CAPZB: variants seen among roughly 807,000 people sequenced by gnomAD.
The protein encoded by CAPZB is F-actin-capping protein subunit beta.
Under a neutral mutation model 38.1 loss-of-function variants are expected in CAPZB, and 2 were observed. The ratio of observed to expected loss-of-function variants is 0.05; its 90% CI spans 0.02 to 0.17. The LOEUF (loss-of-function observed/expected upper bound fraction) is 0.17. Ranked by LOEUF, CAPZB falls within the 10% of genes least tolerant of loss-of-function variation. The pLI, the probability that CAPZB is intolerant of heterozygous loss-of-function variation, is 1.00. For synonymous variants in CAPZB, 107 were observed against 127.4 expected (o/e 0.84, Z 1.08); for missense variants, 161 against 334.2 (o/e 0.48, Z 4.04).
At chr1:19,388,480 C>T (rs1020148038) in intron 2 of CAPZB, among the ~76,000 whole-genome samples, 2 of 152,310 alleles carry the variant, frequency 1.3e-5, no homozygotes, top group Non-Finnish European at 2.9e-5. Flanking sequence ...AATAAATTGG[C>T]AGGTAATAGG....
intron 1 of CAPZB, among the ~76,000 whole-genome samples, chr1:19,426,318 C>T (rs1346374620): frequency 1.3e-5 from 2 of 152,290 alleles, no homozygotes; most frequent in South Asian, 2.1e-4. Context: ...AGGGGAATGA[C>T]GACTGCTGTT....
intron 1 of CAPZB, among the ~76,000 whole-genome samples, chr1:19,425,740 T>C (rs936291370): frequency 4.6e-5 from 7 of 152,190 alleles, no homozygotes; most frequent in African/African-American, 1.7e-4. Context: ...ACCATCTAAA[T>C]ATCTGCTACA....
Position 19,339,269 on chromosome 1 carries a change from G to C in CAPZB, c.*261C>G, listed in dbSNP as rs574430588. ...GGGGGGACAGGGAGGAAGACGGGGG[G>C]CCCGGGTGAACAAAAACCACACGGT... On this transcript the variant is annotated 3_prime_UTR_variant, in exon 9 of 9. Transcript: ENST00000264202. The C allele has an allele frequency of 1.0e-5, 5 of 492,326 alleles. No individual in the cohort carries two copies. The Admixed American group carries it at 1.1e-4, about 11-fold the overall frequency. The allele number at this position is 492,326 out of a possible 1,614,324, so 30.5% of individuals were successfully genotyped here.
chr1:19,379,684 A>G (rs1168077231), intron 3 of CAPZB, among the ~76,000 whole-genome samples: 1 of 152,206 alleles, frequency 6.6e-6, no homozygotes, highest in African/African-American at 2.4e-5. Context: ...TTGCAGCCCA[A>G]AAGACTTGCT....
intron 4 of CAPZB, among the ~76,000 whole-genome samples, chr1:19,365,346 A>G (rs2094077666): frequency 1.3e-5 from 2 of 152,138 alleles, no homozygotes; most frequent in Admixed American, 1.3e-4. Flanking sequence ...TCTTCCCCCG[A>G]AGTCTTTATG....
chr1:19,367,115 C>T (rs1465030795), intron 4 of CAPZB, among the ~76,000 whole-genome samples: 3 of 152,246 alleles, frequency 2.0e-5, no homozygotes, highest in African/African-American at 7.2e-5. Flanking sequence ...AATGGATGGG[C>T]GTGGGTGCTG....
intron 4 of CAPZB, among the ~76,000 whole-genome samples, chr1:19,365,694 C>T (rs980804997): frequency 6.6e-6 from 1 of 151,940 alleles, no homozygotes; most frequent in African/African-American, 2.4e-5. Flanking sequence ...ATTAGTCGGG[C>T]GTGGTGGTGC....
At chr1:19,442,060 G>C (rs535357182) in intron 1 of CAPZB, among the ~76,000 whole-genome samples, 2 of 137,874 alleles carry the variant, frequency 1.5e-5, no homozygotes, top group Non-Finnish European at 3.1e-5. Context: ...CCCTTAAAAA[G>C]CATCAGTGAT....
chr1:19,355,207 C>A lies in CAPZB; in HGVS notation c.588+1428G>T, dbSNP rs145035427. On this transcript the variant is annotated intron_variant, in intron 6 of 8. Transcript: ENST00000264202. Reference sequence around the variant, plus strand: ...GCAAATTCACTTAAAAGATTTACTACACTGGGCCGGGTGTGGTGGCTTATG... The same window carrying A: ...GCAAATTCACTTAAAAGATTTACTAAACTGGGCCGGGTGTGGTGGCTTATG... Among the ~76,000 whole-genome samples the A allele has an allele frequency of 2.1e-4, 32 of 152,186 alleles. No individual in the cohort carries two copies. In the East Asian group the frequency reaches 6.0e-3, roughly 28 times the overall value.
intron 4 of CAPZB, among the ~76,000 whole-genome samples, chr1:19,368,558 C>G (rs1413904522): frequency 1.3e-5 from 2 of 150,470 alleles, no homozygotes; most frequent in Non-Finnish European, 2.9e-5. Flanking sequence ...GCTGGGTGAC[C>G]AGGAATCCGG....
chr1:19,390,498 G>A (rs142781975), intron 2 of CAPZB, among the ~76,000 whole-genome samples: 1 of 152,374 alleles, frequency 6.6e-6, no homozygotes, highest in African/African-American at 2.4e-5. Flanking sequence ...ATAATTCCCA[G>A]TGACTTGGAA....
At chr1:19,402,410 C>G (rs1399876020) in intron 2 of CAPZB, among the ~76,000 whole-genome samples, 1 of 152,214 alleles carries the variant, frequency 6.6e-6, no homozygotes, top group Non-Finnish European at 1.5e-5. Context: ...TTGCAGGGAA[C>G]CTGCTGATCT....
At chr1:19,345,147 T>C (rs531030167) in intron 7 of CAPZB, 40 bp downstream of exon 7, 2 of 1,518,678 alleles carry the variant, frequency 1.3e-6, no homozygotes, top group African/African-American at 2.7e-5. Context: ...GTCACTGCTG[T>C]GGGTCACTGC....
intron 1 of CAPZB, among the ~76,000 whole-genome samples, chr1:19,444,869 A>G (rs570351805): frequency 9.2e-5 from 14 of 152,178 alleles, no homozygotes; most frequent in East Asian, 1.9e-4. Context: ...CAGCCTCCCA[A>G]GCAGCTGGGA....
At chr1:19,425,614 C>T (rs2094419557) in intron 1 of CAPZB, among the ~76,000 whole-genome samples, 1 of 152,114 alleles carries the variant, frequency 6.6e-6, no homozygotes, top group African/African-American at 2.4e-5. Flanking sequence ...CTCCTGTTTT[C>T]ACATGATTTA....
chr1:19,363,542 T>TG (rs1320493191), intron 4 of CAPZB, among the ~76,000 whole-genome samples: 2 of 152,106 alleles, frequency 1.3e-5, no homozygotes, highest in Non-Finnish European at 2.9e-5. Flanking sequence ...ACAGGACTTC[T>TG]GGGGGGAAGG....
chr1:19,483,948 C>T (rs925389755), intron 1 of CAPZB, among the ~76,000 whole-genome samples: 1 of 152,134 alleles, frequency 6.6e-6, no homozygotes, highest in Non-Finnish European at 1.5e-5. Flanking sequence ...ACTTTGAGGC[C>T]CAAAGTCCAC....
At position 19,339,457 on chromosome 1, in the gene CAPZB, G is replaced by T; in HGVS notation, c.*73C>A. ...CGGGGAGGGAAGGGACGAGGGAAGG[G>T]AGCAGAAAACGAGTTTTCTAAGAAA... On this transcript the variant is annotated 3_prime_UTR_variant, in exon 9 of 9. Transcript: ENST00000264202. The T allele has an allele frequency of 2.8e-6, 3 of 1,078,350 alleles. No individual in the cohort carries two copies. Among genetic ancestry groups the T allele is most frequent in the Non-Finnish European group, 1.4e-6 (1 of 691,022 alleles). 66.8% of individuals were successfully genotyped at this position (1,078,350 alleles called of 1,614,324 possible).
rs117515556 is a variant in CAPZB, at chr1:19,377,023, T to C, written c.329+1517A>G. ...GAGAATACCTGGAGGCCCACTTGCA[T>C]GGCCACTGGTAACTGTTATCATCAC... On this transcript the variant is annotated intron_variant, in intron 4 of 8. Transcript: ENST00000264202. 2.8e-3 allele frequency among the ~76,000 whole-genome samples: 427 copies of C among 152,366 alleles called. 2 individuals are homozygous for C. Among genetic ancestry groups the C allele is most frequent in the South Asian group, 0.026 (124 of 4,832 alleles).
Sources: allele counts gnomAD v4.1 joint callset (sites outside exome capture counted in the v4.1 genomes callset), GRCh38; gene constraint gnomAD v4.1.1; transcripts MANE v1.5; gene names NCBI Gene and HGNC (gene_info 2026-07-23, HGNC 2026-07-21).